Variants in TTC27 observed in about 807,000 individuals in gnomAD.
TTC27 encodes tetratricopeptide repeat domain 27, also known as tetratricopeptide repeat protein 27.
In TTC27, 79 loss-of-function variants were observed where a neutral mutation model predicts 115.9. The observed-to-expected ratio is 0.68, with a 90% CI of 0.57 to 0.82. TTC27 has a LOEUF of 0.82. TTC27 is among the 40% of genes least tolerant of loss of function. TTC27 has a pLI of 0.00. For synonymous variants in TTC27, 401 were observed against 356.0 expected (o/e 1.13, Z -1.42); for missense variants, 1,054 against 993.1 (o/e 1.06, Z -0.82).
Position 32,817,584 on chromosome 2 carries a change from A to C in TTC27, c.2409+27A>C, listed in dbSNP as rs781057900. ...TGAGAGTGACATGTGAATTAATTGG[A>C]ATTGTCATATAGAAAAAGGTCATTA... On this transcript the variant is annotated intron_variant, in intron 19 of 19. Transcript: ENST00000317907. 6.3e-6 allele frequency: 10 copies of C among 1,584,184 alleles called. No individual in the cohort carries two copies. The South Asian group carries it at 1.1e-4, about 18-fold the overall frequency.
chr2:32,651,335 G>C (rs1665116815), intron 5 of TTC27, among the ~76,000 whole-genome samples: 2 of 152,098 alleles, frequency 1.3e-5, no homozygotes, highest in Non-Finnish European at 2.9e-5. Context: ...TGTACCTTTT[G>C]GGGGTCTGTT....
At chr2:32,655,408 A>C (rs1410202790) in intron 5 of TTC27, among the ~76,000 whole-genome samples, 1 of 152,064 alleles carries the variant, frequency 6.6e-6, no homozygotes, top group African/African-American at 2.4e-5. Flanking sequence ...CGGCCTCCCA[A>C]AGTGCGGAAT....
At chr2:32,704,251 A>T (rs1452432432) in intron 10 of TTC27, among the ~76,000 whole-genome samples, 4 of 152,080 alleles carry the variant, frequency 2.6e-5, no homozygotes, top group African/African-American at 9.7e-5. Flanking sequence ...CAGTGGCACA[A>T]TCTGGGCTCG....
chr2:32,720,368 A>G (rs1439893978), intron 10 of TTC27, among the ~76,000 whole-genome samples: 4 of 152,178 alleles, frequency 2.6e-5, no homozygotes, highest in African/African-American at 4.8e-5. Flanking sequence ...AGAATTTTGA[A>G]TTACTTACTT....
chr2:32,709,512 A>T (rs564891270), intron 10 of TTC27, among the ~76,000 whole-genome samples: 43 of 152,214 alleles, frequency 2.8e-4, no homozygotes, highest in Non-Finnish European at 5.3e-4. Flanking sequence ...CACAAAATTC[A>T]TGTTACTAGG....
At chr2:32,774,977 T>C (rs934214457) in intron 13 of TTC27, among the ~76,000 whole-genome samples, 1 of 152,214 alleles carries the variant, frequency 6.6e-6, no homozygotes, top group Non-Finnish European at 1.5e-5. Context: ...TTAAATTAAG[T>C]CATCTGTCTG....
At chr2:32,675,671 T>A (rs950293493) in intron 8 of TTC27, among the ~76,000 whole-genome samples, 2 of 152,222 alleles carry the variant, frequency 1.3e-5, no homozygotes, top group African/African-American at 4.8e-5. Flanking sequence ...AGTGATTTTC[T>A]TATATTGGCT....
At chr2:32,734,829 A>G (rs1371970830) in intron 11 of TTC27, among the ~76,000 whole-genome samples, 1 of 152,214 alleles carries the variant, frequency 6.6e-6, no homozygotes, top group Non-Finnish European at 1.5e-5. Flanking sequence ...GCTAATAACA[A>G]CCAACTTTTA....
rs72858146 is a variant in TTC27 at position 32,648,641 on chromosome 2, G to C, written c.538-1490G>C. ...TTTTAAGTAAATATATGTTGATCAA[G>C]TAAGAAAAAGCATCAGCGAATAAAA... On this transcript the variant is annotated intron_variant, in intron 4 of 19. Coordinates refer to ENST00000317907, the MANE Select transcript of TTC27 (RefSeq NM_017735.5). 1.3e-3 allele frequency among the ~76,000 whole-genome samples: 201 copies of C among 151,926 alleles called. 1 individual carries two copies. Among genetic ancestry groups the C allele is most frequent in the African/African-American group, 4.3e-3 (177 of 41,458 alleles).
intron 13 of TTC27, among the ~76,000 whole-genome samples, chr2:32,776,892 G>A (rs988210604): frequency 1.3e-5 from 2 of 152,180 alleles, no homozygotes; most frequent in East Asian, 1.9e-4. Flanking sequence ...TTACAGGTGT[G>A]AGCCACCACA....
At chr2:32,684,957 A>G (rs1666578226) in intron 9 of TTC27, among the ~76,000 whole-genome samples, 1 of 150,840 alleles carries the variant, frequency 6.6e-6, no homozygotes, top group Admixed American at 6.6e-5. Flanking sequence ...AAGAGGAAAC[A>G]ACAACTGCAA....
intron 12 of TTC27, among the ~76,000 whole-genome samples, chr2:32,754,297 C>A (rs1349474646): frequency 1.3e-5 from 2 of 150,398 alleles, no homozygotes; most frequent in Non-Finnish European, 3.0e-5. Context: ...TTCGGCCTTC[C>A]GCAGTGTTTG....
At chr2:32,764,447 C>A (rs1558331950) in intron 13 of TTC27, among the ~76,000 whole-genome samples, 2 of 150,446 alleles carry the variant, frequency 1.3e-5, no homozygotes, top group African/African-American at 2.4e-5. Flanking sequence ...ACTTTATTAC[C>A]AAAAAAAAAT....
At chr2:32,660,020 G>A (rs1054820525) in intron 5 of TTC27, among the ~76,000 whole-genome samples, 2 of 151,956 alleles carry the variant, frequency 1.3e-5, no homozygotes, top group Admixed American at 6.6e-5. Flanking sequence ...TAATCCTTTG[G>A]GTGTATACCC....
rs1053878992 is a variant in TTC27 at position 32,666,024 on chromosome 2, T to C, written c.806-611T>C. Among the ~76,000 whole-genome samples, 5 of 152,356 alleles carry C rather than the reference T, an allele frequency of 3.3e-5. No individual in the cohort carries two copies. The East Asian group carries it at 9.6e-4, about 29-fold the overall frequency. Reference sequence around the variant, plus strand: ...TCATAACAGGATAAAATCCAGACTTTCTAGACTGGTCTTTGTAATCAAGGA... The same window carrying C: ...TCATAACAGGATAAAATCCAGACTTCCTAGACTGGTCTTTGTAATCAAGGA... On this transcript the variant is annotated intron_variant, in intron 6 of 19. Coordinates refer to ENST00000317907, the MANE Select transcript of TTC27 (RefSeq NM_017735.5).
Position 32,820,800 on chromosome 2 carries a change from G to GT in TTC27, c.2410-10dup, listed in dbSNP as rs77795521. On this transcript the variant is annotated splice_polypyrimidine_tract_variant and intron_variant, in intron 19 of 19. Transcript: ENST00000317907. ...TGTGTTGTTTTAATACTTCTGCTTT[G>GT]TTTTTTATATTACAGCAACTTTTTA... The GT allele has an allele frequency of 0.2, 311,783 of 1,521,366 alleles. 34,254 individuals carry two copies. The highest frequency in any genetic ancestry group is 0.35 in the South Asian group (27,554 of 78,144). The allele number at this position is 1,521,366 out of a possible 1,614,324, so 94.2% of individuals were successfully genotyped here. A position where few individuals can be genotyped will look rare whatever the true frequency, so the allele number is the denominator to read the frequency against.
chr2:32,749,783 A>G (rs550722121), intron 12 of TTC27, among the ~76,000 whole-genome samples: 72 of 152,344 alleles, frequency 4.7e-4, no homozygotes, highest in Admixed American at 2.3e-3. Flanking sequence ...TGGGCATGTT[A>G]ATATATACTA....
Position 32,758,401 on chromosome 2 carries a change from T to C in TTC27, c.1562T>C (p.Leu521Ser), listed in dbSNP as rs757582173. ...DHSCYDKAWE[L>S]SRYRSARAQR... is the part of the protein sequence containing the mutation. ...TCTTGCTATGACAAGGCCTGGGAGTTGTCCCGGTACCGCAGTGCTCGTGCT... is the reference window on the plus strand; with the variant it reads ...TCTTGCTATGACAAGGCCTGGGAGTCGTCCCGGTACCGCAGTGCTCGTGCT... Residue 521 changes from leucine to serine, a missense_variant, in exon 13 of 20, where the codon TTG (leucine) becomes TCG (serine). Transcript: ENST00000317907. The C allele has an allele frequency of 1.9e-6, 3 of 1,614,226 alleles. No homozygotes were observed. The South Asian group carries it at 3.3e-5, about 18-fold the overall frequency.
At chr2:32,692,036 G>GGTTTTTTTTTTTTTTTTT (rs1666830490) in intron 9 of TTC27, among the ~76,000 whole-genome samples, 1 of 61,188 alleles carries the variant, frequency 1.6e-5, no homozygotes, top group Non-Finnish European at 2.9e-5. Context: ...AATTTTTTAG[G>GGTTTTTTTTTTTTTTTTT]TTTTTTTTTT....
Sources: gnomAD v4.1 joint callset for allele counts (sites outside exome capture counted in the v4.1 genomes callset) on GRCh38, gnomAD v4.1.1 for gene constraint, MANE v1.5 for transcripts, NCBI Gene and HGNC (gene_info 2026-07-23, HGNC 2026-07-21) for gene names.